Variants in SSH2 observed in about 807,000 individuals in gnomAD.
The protein encoded by SSH2 is slingshot protein phosphatase 2.
Under a neutral mutation model 135.2 loss-of-function variants are expected in SSH2, and 37 were observed. The observed-to-expected ratio is 0.27, with a 90% confidence interval of 0.21 to 0.36. The LOEUF is 0.36. Among genes scored for constraint, SSH2 ranks in the 10% least tolerant of loss-of-function variants. SSH2 has a pLI of 1.00. For missense variants in SSH2, 1,408 were observed against 1,765.3 expected (o/e 0.80, Z 3.63); for synonymous variants, 628 against 646.2 (o/e 0.97, Z 0.43).
intron 14 of SSH2, among the ~76,000 whole-genome samples, chr17:29,644,189 CACA>C (rs971137414): frequency 1.2e-4 from 19 of 152,312 alleles, no homozygotes; most frequent in African/African-American, 4.1e-4. Context: ...GCGGAGGCAG[CACA>C]ACAACAGGGC....
chr17:29,923,058 G>A (rs1212671654), intron 1 of SSH2, among the ~76,000 whole-genome samples: 1 of 152,106 alleles, frequency 6.6e-6, no homozygotes, highest in African/African-American at 2.4e-5. Flanking sequence ...CGACAGGCAT[G>A]TACCGCCACA....
intron 2 of SSH2, among the ~76,000 whole-genome samples, chr17:29,794,869 ATAT>A (rs1277072468): frequency 6.6e-6 from 1 of 152,228 alleles, no homozygotes; most frequent in Non-Finnish European, 1.5e-5. Flanking sequence ...ATATGTTATG[ATAT>A]TATACTGATC....
chr17:29,917,554 A>G lies in SSH2; in HGVS notation c.63+12384T>C, dbSNP rs964684237. 5.3e-5 allele frequency among the ~76,000 whole-genome samples: 8 copies of G among 152,326 alleles called. No individual in the cohort carries two copies. In the East Asian group the frequency reaches 1.5e-3, roughly 29 times the overall value. ...CAAACTTCTGCTGAACTGCCTTCATATCAAGTACTAAGGCAGGAGCAGCAA... is the reference window on the plus strand; with the variant it reads ...CAAACTTCTGCTGAACTGCCTTCATGTCAAGTACTAAGGCAGGAGCAGCAA... On this transcript the variant is annotated intron_variant, in intron 1 of 15. Coordinates refer to ENST00000540801, the MANE Select transcript of SSH2 (RefSeq NM_001282129.2).
chr17:29,670,521 G>A (rs1028153568), intron 9 of SSH2, among the ~76,000 whole-genome samples: 2 of 152,170 alleles, frequency 1.3e-5, no homozygotes, highest in South Asian at 2.1e-4. Flanking sequence ...TTTAGGGCAG[G>A]TGTGGTGGCT....
chr17:29,763,346 T>G (rs766180790), intron 3 of SSH2, among the ~76,000 whole-genome samples: 16 of 152,156 alleles, frequency 1.1e-4, no homozygotes, highest in Non-Finnish European at 1.9e-4. Flanking sequence ...TTTGAAAGAT[T>G]TATTCAGGCT....
chr17:29,837,022 C>T (rs750985431), intron 2 of SSH2, among the ~76,000 whole-genome samples: 11 of 152,032 alleles, frequency 7.2e-5, no homozygotes, highest in African/African-American at 2.2e-4. Context: ...TTTGGGAGGC[C>T]GAGGAGGGCG....
At chr17:29,745,092 A>G (rs956381843) in intron 3 of SSH2, among the ~76,000 whole-genome samples, 3 of 152,110 alleles carry the variant, frequency 2.0e-5, no homozygotes, top group African/African-American at 7.2e-5. Context: ...CTATGTGCCT[A>G]GTAGATACTC....
intron 2 of SSH2, among the ~76,000 whole-genome samples, chr17:29,819,813 T>A (rs2042621651): frequency 6.6e-6 from 1 of 152,166 alleles, no homozygotes; most frequent in African/African-American, 2.4e-5. Flanking sequence ...AATAGACCAT[T>A]ACCTGGGACA....
intron 1 of SSH2, among the ~76,000 whole-genome samples, chr17:29,866,588 G>A (rs2065859398): frequency 6.6e-6 from 1 of 152,032 alleles, no homozygotes; most frequent in Non-Finnish European, 1.5e-5. Context: ...AGAACAATGA[G>A]AAAAAAATGG....
At chr17:29,673,405 A>G (rs2037574222) in intron 8 of SSH2, among the ~76,000 whole-genome samples, 1 of 151,976 alleles carries the variant, frequency 6.6e-6, no homozygotes, top group Non-Finnish European at 1.5e-5. Context: ...CCCCATCTCT[A>G]CTAAAAATAC....
In SSH2 at chr17:29,636,324, G is replaced by A. The variant is rs1290945443; in HGVS notation, c.1906C>T (p.His636Tyr). The A allele has an allele frequency of 6.2e-7, 1 of 1,614,042 alleles. No homozygotes were observed. The highest frequency in any genetic ancestry group is 8.5e-7 in the Non-Finnish European group (1 of 1,180,046). Residue 636 changes from histidine to tyrosine, a missense_variant, in exon 15 of 16, where the codon CAC (histidine) becomes TAC (tyrosine). Physicochemically the swap from His to Tyr is moderately conservative, Grantham distance 83. Transcript: ENST00000540801. ...TDALKADMNV[H>Y]LLPMEELTSP... is the part of the protein sequence containing the mutation. ...GTCAATTCTTCCATAGGCAGTAGGTGGACATTCATGTCTGCTTTCAGTGCA... is the reference window on the plus strand; with the variant it reads ...GTCAATTCTTCCATAGGCAGTAGGTAGACATTCATGTCTGCTTTCAGTGCA...
Position 29,631,023 on chromosome 17 carries a change from C to A in SSH2, c.4171G>T (p.Glu1391Ter). Residue 1391 changes from glutamate (E) to a stop codon, truncating the protein, a stop_gained, in exon 16 of 16, where the codon GAA becomes TAA. Transcript: ENST00000540801. LOFTEE classifies it high-confidence loss of function. ...AGGCCTCCTTCAGAACTAGTCAATT[C>A]AAGTCCTGCCCTGGGGAGCAAATAC... ...QQYLLPRAGLELTSSEGGLPV... is the reference protein window; with the variant it reads ...QQYLLPRAGL The A allele has an allele frequency of 1.2e-6, 2 of 1,614,134 alleles. No homozygotes were observed. Among genetic ancestry groups the A allele is most frequent in the South Asian group, 1.1e-5 (1 of 91,084 alleles).
At chr17:29,929,799 TG>T (rs949844511) in intron 1 of SSH2, 138 bp downstream of exon 1, 44 of 726,428 alleles carry the variant, frequency 6.1e-5, no homozygotes, top group African/African-American at 2.2e-4. Context: ...CATGGGGGTG[TG>T]GGGGGGTTCG....
At chr17:29,692,143 A>AAAAT (rs1308589781) in intron 5 of SSH2, among the ~76,000 whole-genome samples, 1 of 134,514 alleles carries the variant, frequency 7.4e-6, no homozygotes, top group African/African-American at 2.9e-5. Flanking sequence ...CTGTCTCAAA[A>AAAAT]AAATAAATAA....
chr17:29,699,205 T>C (rs761430138), intron 4 of SSH2, among the ~76,000 whole-genome samples: 1 of 152,250 alleles, frequency 6.6e-6, no homozygotes, highest in Non-Finnish European at 1.5e-5. Context: ...TTGGATTTTA[T>C]AGACTTTTCA....
intron 3 of SSH2, among the ~76,000 whole-genome samples, chr17:29,741,790 A>G (rs912883251): frequency 8.6e-5 from 13 of 151,394 alleles, no homozygotes; most frequent in African/African-American, 2.4e-4. Flanking sequence ...TAATTTTTCT[A>G]TTTTTGGTAG....
intron 1 of SSH2, among the ~76,000 whole-genome samples, chr17:29,855,175 G>C (rs2065640154): frequency 6.6e-6 from 1 of 150,886 alleles, no homozygotes; most frequent in Non-Finnish European, 1.5e-5. Flanking sequence ...TACATTGCAG[G>C]TGTACTTAAA....
At chr17:29,761,088 G>A (rs1488227708) in intron 3 of SSH2, 39 of 1,283,280 alleles carry the variant, frequency 3.0e-5, no homozygotes, top group Non-Finnish European at 4.0e-5. Flanking sequence ...TGGGGAAAGC[G>A]GCTGCTGAAA....
chr17:29,692,637 T>C (rs2038536386), intron 5 of SSH2, among the ~76,000 whole-genome samples: 1 of 152,202 alleles, frequency 6.6e-6, no homozygotes, highest in South Asian at 2.1e-4. Context: ...AGGTTATCAA[T>C]GAGAAAACGA....
Sources: gnomAD v4.1 joint callset for allele counts (sites outside exome capture counted in the v4.1 genomes callset) on GRCh38, gnomAD v4.1.1 for gene constraint, MANE v1.5 for transcripts, NCBI Gene and HGNC (gene_info 2026-07-23, HGNC 2026-07-21) for gene names.